Variants in VNN1 observed in about 807,000 individuals in gnomAD.
The protein encoded by VNN1 is vanin 1.
VNN1 carries 29 observed loss-of-function variants against 41.9 expected under a neutral mutation model. The ratio of observed to expected loss-of-function variants is 0.69; its 90% CI spans 0.52 to 0.94. The LOEUF is 0.94. Ranked by LOEUF, VNN1 falls within the 40% of genes least tolerant of loss-of-function variation. The probability of loss-of-function intolerance (pLI) is 0.00; values close to 1 mark genes in which losing one functional copy is unlikely to be tolerated. For missense variants in VNN1, 637 were observed against 621.1 expected (o/e 1.03, Z -0.27); for synonymous variants, 233 against 224.4 (o/e 1.04, Z -0.34).
intron 5 of VNN1, among the ~76,000 whole-genome samples, chr6:132,690,726 G>A (rs928587550): frequency 6.6e-6 from 1 of 152,050 alleles, no homozygotes; most frequent in Non-Finnish European, 1.5e-5. Flanking sequence ...AAACGAAAAA[G>A]TATTGTTAGG....
At chr6:132,693,339 G>T in intron 3 of VNN1, 24 bp from the exon 4 acceptor site, 1 of 1,555,810 alleles carries the variant, frequency 6.4e-7, no homozygotes. Flanking sequence ...AAGATAAAGA[G>T]AAAAAAATTA....
intron 5 of VNN1, among the ~76,000 whole-genome samples, chr6:132,691,565 G>A (rs1778284184): frequency 6.6e-6 from 1 of 152,054 alleles, no homozygotes; most frequent in Non-Finnish European, 1.5e-5. Flanking sequence ...GTTCAGGCAG[G>A]AAATAAAATG....
chr6:132,688,059 G>A (rs947476096), intron 5 of VNN1, among the ~76,000 whole-genome samples: 14 of 152,000 alleles, frequency 9.2e-5, no homozygotes, highest in African/African-American at 2.9e-4. Context: ...TGATAATCGA[G>A]ATTTTTCAAG....
chr6:132,703,162 G>C (rs1016705853), intron 2 of VNN1, among the ~76,000 whole-genome samples: 2 of 152,082 alleles, frequency 1.3e-5, no homozygotes, highest in East Asian at 3.9e-4. Context: ...AAATGCTAAA[G>C]AAATTTCTTC....
At chr6:132,688,199 G>T (rs954403739) in intron 5 of VNN1, among the ~76,000 whole-genome samples, 1 of 151,928 alleles carries the variant, frequency 6.6e-6, no homozygotes, top group Non-Finnish European at 1.5e-5. Flanking sequence ...TGGCACATTG[G>T]CATTAAGACC....
chr6:132,699,187 G>T, intron 2 of VNN1: 1 of 365,324 alleles, frequency 2.7e-6, no homozygotes, highest in South Asian at 2.6e-5. Context: ...TGATGAGAAT[G>T]GAAAAGATTG....
chr6:132,692,960 A>ATGT (rs1491539466), intron 4 of VNN1, 64 bp downstream of exon 4: 1 of 1,486,806 alleles, frequency 6.7e-7, no homozygotes, highest in African/African-American at 1.4e-5. Flanking sequence ...CTAGAAAAAC[A>ATGT]TGTTTTTTTT....
In VNN1 at chr6:132,693,039, A is replaced by G. The variant is rs1189074360; in HGVS notation, c.811T>C (p.Ser271Pro). The G allele has an allele frequency of 6.2e-7, 1 of 1,604,618 alleles. No homozygotes were observed. The highest frequency in any genetic ancestry group is 8.5e-7 in the Non-Finnish European group (1 of 1,174,110). ...CACACATTACCTGTCATTTTCTTTG[A>G]GGGGTAATGTATGTTGGATGCAAGG... Reference protein sequence around the residue: ...NFLASNIHYPSKKMTGSGIYA... With the variant: ...NFLASNIHYPPKKMTGSGIYA... The change falls in exon 4 of 7, where the codon TCA becomes CCA. Residue 271 changes from serine (S) to proline (P), a missense_variant. Coordinates refer to ENST00000367928, the MANE Select transcript of VNN1 (RefSeq NM_004666.3).
At chr6:132,702,651 C>T (rs540924237) in intron 2 of VNN1, among the ~76,000 whole-genome samples, 67 of 152,296 alleles carry the variant, frequency 4.4e-4, no homozygotes, top group African/African-American at 1.5e-3. Context: ...ATAAAGAGGA[C>T]TTTGTCTTGC....
chr6:132,682,726 A>T lies in VNN1; in HGVS notation c.*414T>A, dbSNP rs1044593. On this transcript the variant is annotated 3_prime_UTR_variant, in exon 7 of 7. Coordinates refer to ENST00000367928, the MANE Select transcript of VNN1 (RefSeq NM_004666.3). The stretch of plus-strand genomic sequence containing the variant: ...AAAATGTATTGTTTAGGTAAAAAAC[A>T]AAAAGAGCAAACAAACAAAGTCATT... 0.41 allele frequency: 62,332 copies of T among 153,148 alleles called. 14,751 individuals are homozygous for T. Among genetic ancestry groups the T allele is most frequent in the African/African-American group, 0.66 (27,378 of 41,516 alleles). The allele number at this position is 153,148 out of a possible 1,614,324, so 9.5% of individuals were successfully genotyped here.
chr6:132,688,837 T>C (rs1374215246), intron 5 of VNN1, among the ~76,000 whole-genome samples: 1 of 152,178 alleles, frequency 6.6e-6, no homozygotes, highest in Non-Finnish European at 1.5e-5. Context: ...ATACTATTTT[T>C]CCCTCTTTCC....
In VNN1 at chr6:132,704,158, GA is replaced by G. The variant is rs990330104; in HGVS notation, c.341+7550del. Among the ~76,000 whole-genome samples the G allele has an allele frequency of 7.7e-4, 114 of 147,938 alleles. 1 individual carries two copies. The highest frequency in any genetic ancestry group is 2.7e-3 in the African/African-American group (108 of 40,440). On this transcript the variant is annotated intron_variant, in intron 2 of 6. Transcript: ENST00000367928. The stretch of plus-strand genomic sequence containing the variant: ...CAGCATTGGACAGATCATCCAGAAG[GA>G]AAAAAAAAATAAAGAAACATTGGAC...
intron 2 of VNN1, among the ~76,000 whole-genome samples, chr6:132,710,343 C>G (rs1319081145): frequency 6.6e-6 from 1 of 152,184 alleles, no homozygotes; most frequent in Non-Finnish European, 1.5e-5. Flanking sequence ...AGTCACCACA[C>G]CCAGCCAGTT....
Position 132,692,570 on chromosome 6 carries a change from C to T in VNN1, c.841G>A (p.Ala281Thr). The T allele has an allele frequency of 6.4e-7, 1 of 1,572,514 alleles. No homozygotes were observed. The highest frequency in any genetic ancestry group is 8.6e-7 in the Non-Finnish European group (1 of 1,166,240). The part of the protein sequence containing the change: ...SKKMTGSGIY[A>T]PNSSRAFHYD... ...TGAAATGCTCTTGAAGAATTGGGTG[C>T]ATAGATGCCACTTCCTGGAAGTAAT... The change falls in exon 5 of 7, where the codon GCA becomes ACA. Residue 281 changes from alanine to threonine, a missense_variant. Coordinates refer to ENST00000367928, the MANE Select transcript of VNN1 (RefSeq NM_004666.3).
intron 2 of VNN1, among the ~76,000 whole-genome samples, chr6:132,704,648 T>A (rs1164072627): frequency 6.6e-6 from 1 of 151,818 alleles, no homozygotes; most frequent in Admixed American, 6.6e-5. Flanking sequence ...TATATTTTTT[T>A]AAACTAGAAA....
chr6:132,692,664 T>C (rs955817061), intron 4 of VNN1, 80 bp from the exon 5 acceptor site: 1 of 1,465,472 alleles, frequency 6.8e-7, no homozygotes, highest in African/African-American at 1.4e-5. Flanking sequence ...TATTTTAACC[T>C]CATATTCACA....
intron 3 of VNN1, among the ~76,000 whole-genome samples, 173 bp downstream of exon 3, chr6:132,693,817 G>A (rs373922176): frequency 1.3e-5 from 2 of 152,072 alleles, no homozygotes; most frequent in Non-Finnish European, 2.9e-5. Flanking sequence ...ATATGTACAC[G>A]GAACCCCTTA....
chr6:132,695,997 C>T (rs991780469), intron 2 of VNN1, among the ~76,000 whole-genome samples: 8 of 151,932 alleles, frequency 5.3e-5, no homozygotes, highest in Non-Finnish European at 5.9e-5. Flanking sequence ...GAAAAATAAA[C>T]CAACGAAAAT....
In VNN1 at chr6:132,711,930, C is replaced by T. The variant is rs1778606810; in HGVS notation, c.211-91G>A. On this transcript the variant is annotated intron_variant, in intron 1 of 6. Coordinates refer to ENST00000367928, the MANE Select transcript of VNN1 (RefSeq NM_004666.3). ...GTAACAACTATTTGGGCTTCCCCCA[C>T]ACCCCTTAAATCTTATTTTGTTTTC... 13 of 1,317,190 alleles carry T rather than the reference C, an allele frequency of 9.9e-6. No homozygotes were observed. In the South Asian group the frequency reaches 1.9e-4, roughly 20 times the overall value. The allele number at this position is 1,317,190 out of a possible 1,614,324, so 81.6% of individuals were successfully genotyped here.
Sources: gnomAD v4.1 joint callset for allele counts (sites outside exome capture counted in the v4.1 genomes callset) on GRCh38, gnomAD v4.1.1 for gene constraint, MANE v1.5 for transcripts, NCBI Gene and HGNC (gene_info 2026-07-23, HGNC 2026-07-21) for gene names.